The following VPS54 variants were observed in gnomAD, a reference collection of about 807,000 sequenced individuals.
The protein encoded by VPS54 is VPS54 subunit of GARP complex, also known as vacuolar protein sorting-associated protein 54.
VPS54 carries 45 observed loss-of-function variants against 121.5 expected under a neutral mutation model. The ratio of observed to expected loss-of-function variants is 0.37; its 90% CI spans 0.29 to 0.47. The LOEUF is 0.47. Among genes scored for constraint, VPS54 ranks in the 20% least tolerant of loss-of-function variants. The pLI is 0.99. For synonymous variants in VPS54, 371 were observed against 385.8 expected (o/e 0.96, Z 0.45); for missense variants, 1,090 against 1,131.4 (o/e 0.96, Z 0.52).
chr2:63,958,415 T>C (rs1559021321), intron 7 of VPS54, among the ~76,000 whole-genome samples: 1 of 152,172 alleles, frequency 6.6e-6, no homozygotes, highest in Non-Finnish European at 1.5e-5. Flanking sequence ...GGCAGACAAA[T>C]ACAACTATTA....
chr2:63,958,202 A>C (rs1169829922), intron 7 of VPS54, among the ~76,000 whole-genome samples: 2 of 152,172 alleles, frequency 1.3e-5, no homozygotes, highest in East Asian at 3.9e-4. Flanking sequence ...ATGACAAAAC[A>C]TGGTAGGAGA....
Position 63,983,440 on chromosome 2 carries a change from A to G in VPS54, c.136+424T>C, listed in dbSNP as rs7566036. Among the ~76,000 whole-genome samples, 1,018 of 128,438 alleles carry G rather than the reference A, an allele frequency of 7.9e-3. 15 individuals carry two copies. Among genetic ancestry groups the G allele is most frequent in the African/African-American group, 0.03 (977 of 32,702 alleles). 84.3% of individuals were successfully genotyped at this position (128,438 alleles called of 152,430 possible). On this transcript the variant is annotated intron_variant, in intron 2 of 22. Coordinates refer to ENST00000272322, the MANE Select transcript of VPS54 (RefSeq NM_016516.3). The stretch of plus-strand genomic sequence containing the variant: ...GCGTGAGCCACCACGCCGGGCCCCA[A>G]ATGATTTTTTTTTTTTTTTTTTGAG...
chr2:63,926,212 T>G (rs539639580), intron 12 of VPS54, among the ~76,000 whole-genome samples: 3 of 152,194 alleles, frequency 2.0e-5, no homozygotes, highest in Non-Finnish European at 2.9e-5. Flanking sequence ...ATGAGAATGG[T>G]AGAACTGTCT....
intron 1 of VPS54, among the ~76,000 whole-genome samples, chr2:64,013,541 A>G (rs1576026053): frequency 6.8e-6 from 1 of 146,072 alleles, no homozygotes; most frequent in African/African-American, 2.6e-5. Context: ...TATTAAGTAA[A>G]TGCTGATATA....
intron 20 of VPS54, among the ~76,000 whole-genome samples, chr2:63,907,513 C>T (rs142968088): frequency 0.037 from 4,870 of 133,206 alleles, 122 homozygotes; most frequent in Non-Finnish European, 0.053. Flanking sequence ...AGAGAAACTC[C>T]ATCTCAAAAA....
intron 1 of VPS54, among the ~76,000 whole-genome samples, chr2:64,016,784 T>C (rs1400124264): frequency 6.6e-6 from 1 of 151,692 alleles, no homozygotes; most frequent in African/African-American, 2.4e-5. Context: ...AATTTATATA[T>C]TTTTAGTACA....
intron 1 of VPS54, among the ~76,000 whole-genome samples, chr2:64,012,377 A>G (rs1678468036): frequency 6.6e-6 from 1 of 151,620 alleles, no homozygotes; most frequent in African/African-American, 2.4e-5. Context: ...ATTCCCCACA[A>G]TATGTGGAAC....
At chr2:63,993,564 T>C (rs1421992363) in intron 1 of VPS54, among the ~76,000 whole-genome samples, 1 of 152,226 alleles carries the variant, frequency 6.6e-6, no homozygotes, top group Non-Finnish European at 1.5e-5. Context: ...GCCATCTTAA[T>C]TGGACAGACT....
intron 12 of VPS54, among the ~76,000 whole-genome samples, chr2:63,925,171 C>T (rs1474860797): frequency 6.6e-6 from 1 of 152,120 alleles, no homozygotes; most frequent in African/African-American, 2.4e-5. Flanking sequence ...AAGGTTTGTG[C>T]TGACATAATA....
intron 8 of VPS54, among the ~76,000 whole-genome samples, chr2:63,948,547 T>G (rs774336567): frequency 6.6e-6 from 1 of 150,976 alleles, no homozygotes. Flanking sequence ...CAGGTGTGCA[T>G]GCACCACTAC....
In VPS54 at chr2:63,897,482, G is replaced by A. The variant is rs745883542; in HGVS notation, c.2828+14C>T. The A allele has an allele frequency of 8.5e-6, 13 of 1,535,518 alleles. No homozygotes were observed. The highest frequency in any genetic ancestry group is 6.9e-5 in the East Asian group (3 of 43,566). ...CGATATGGGAGTATATGGTGAAAACGTTAAAAAACATACCCATTTTGAGGT... is the reference window on the plus strand; with the variant it reads ...CGATATGGGAGTATATGGTGAAAACATTAAAAAACATACCCATTTTGAGGT... On this transcript the variant is annotated intron_variant, in intron 22 of 22. Coordinates refer to ENST00000272322, the MANE Select transcript of VPS54 (RefSeq NM_016516.3).
chr2:63,930,523 A>G (rs562809385), intron 12 of VPS54, among the ~76,000 whole-genome samples: 5 of 152,310 alleles, frequency 3.3e-5, no homozygotes, highest in African/African-American at 1.2e-4. Context: ...TCAAAATAGT[A>G]AGAGCTATTT....
chr2:63,958,968 T>C (rs1226167085), intron 7 of VPS54, among the ~76,000 whole-genome samples: 1 of 152,200 alleles, frequency 6.6e-6, no homozygotes, highest in Non-Finnish European at 1.5e-5. Context: ...ATATTTCTTA[T>C]TTCCTAATGG....
intron 12 of VPS54, among the ~76,000 whole-genome samples, chr2:63,924,812 G>A (rs994104028): frequency 6.6e-6 from 1 of 152,154 alleles, no homozygotes; most frequent in Non-Finnish European, 1.5e-5. Context: ...ACATTATAGA[G>A]CAGTAGGAAA....
At chr2:63,980,068 C>T (rs1676738909) in intron 3 of VPS54, among the ~76,000 whole-genome samples, 1 of 152,046 alleles carries the variant, frequency 6.6e-6, no homozygotes, top group African/African-American at 2.4e-5. Flanking sequence ...TTGAAATCTC[C>T]GTAATTATGA....
At chr2:63,942,803 T>C (rs959246196) in intron 10 of VPS54, among the ~76,000 whole-genome samples, 3 of 152,220 alleles carry the variant, frequency 2.0e-5, no homozygotes, top group African/African-American at 7.2e-5. Context: ...TTATGATCAT[T>C]GAATGAATAA....
At chr2:63,937,648 A>G (rs1674511121) in intron 11 of VPS54, among the ~76,000 whole-genome samples, 1 of 152,194 alleles carries the variant, frequency 6.6e-6, no homozygotes, top group Non-Finnish European at 1.5e-5. Context: ...TGGGGTTGAC[A>G]AAAATAAGAA....
At chr2:63,983,704 A>G (rs907292055) in intron 2 of VPS54, among the ~76,000 whole-genome samples, 160 bp downstream of exon 2, 1 of 151,990 alleles carries the variant, frequency 6.6e-6, no homozygotes, top group Non-Finnish European at 1.5e-5. Flanking sequence ...AGCCTCCCAA[A>G]GTGCTGGGAT....
intron 5 of VPS54, among the ~76,000 whole-genome samples, chr2:63,968,701 G>A (rs991926935): frequency 3.3e-5 from 5 of 151,706 alleles, no homozygotes; most frequent in South Asian, 4.2e-4. Context: ...CCTGCGAGAC[G>A]GGGCAAGATT....
Sources: gnomAD v4.1 joint callset for allele counts (sites outside exome capture counted in the v4.1 genomes callset) on GRCh38, gnomAD v4.1.1 for gene constraint, MANE v1.5 for transcripts, NCBI Gene and HGNC (gene_info 2026-07-23, HGNC 2026-07-21) for gene names.